The following PEX5L variants were observed in gnomAD, a reference collection of about 807,000 sequenced individuals.
PEX5L encodes PEX5-related protein.
A neutral mutation model predicts 84.0 loss-of-function variants in PEX5L; 30 were observed. The observed-to-expected ratio is 0.36, with a 90% confidence interval of 0.27 to 0.48. PEX5L has a LOEUF of 0.48. Among genes scored for constraint, PEX5L ranks in the 20% least tolerant of loss-of-function variants. PEX5L has a pLI of 0.99. For synonymous variants in PEX5L, 270 were observed against 283.1 expected, an observed-to-expected ratio of 0.95 and a Z score of 0.46; for missense variants, 533 against 754.6, an observed-to-expected ratio of 0.71 and a Z score of 3.44.
chr3:179,999,340 C>T (rs1788178948), intron 1 of PEX5L, among the ~76,000 whole-genome samples: 1 of 152,198 alleles, frequency 6.6e-6, no homozygotes, highest in African/African-American at 2.4e-5. Context: ...GGACACCACT[C>T]AGCCTCTTCC....
intron 1 of PEX5L, among the ~76,000 whole-genome samples, chr3:179,972,042 C>A (rs1784893373): frequency 6.6e-6 from 1 of 152,140 alleles, no homozygotes; most frequent in Non-Finnish European, 1.5e-5. Flanking sequence ...GCTTTATACT[C>A]AAGACTTCCA....
At chr3:179,867,011 G>A (rs1304862748) in intron 7 of PEX5L, among the ~76,000 whole-genome samples, 2 of 122,378 alleles carry the variant, frequency 1.6e-5, no homozygotes, top group Admixed American at 1.0e-4. Flanking sequence ...GGGTGACAGA[G>A]CAAGACTCTG....
chr3:179,874,738 GTTTTTTTTTTT>G (rs3836472), intron 6 of PEX5L, among the ~76,000 whole-genome samples: 3 of 45,980 alleles, frequency 6.5e-5, no homozygotes, highest in South Asian at 1.1e-3. Flanking sequence ...TTTTTTTTTT[GTTTTTTTTTTT>G]TTTTTTTTTT....
chr3:179,993,534 C>G (rs1310515103), intron 1 of PEX5L, among the ~76,000 whole-genome samples: 1 of 152,124 alleles, frequency 6.6e-6, no homozygotes, highest in East Asian at 1.9e-4. Flanking sequence ...GGGTCTCACT[C>G]TGTCACCCAG....
At chr3:179,955,783 C>T (rs938542233) in intron 2 of PEX5L, among the ~76,000 whole-genome samples, 12 of 151,812 alleles carry the variant, frequency 7.9e-5, no homozygotes, top group African/African-American at 2.4e-4. Flanking sequence ...TTTCTTATTA[C>T]GATTAGAAAG....
intron 5 of PEX5L, among the ~76,000 whole-genome samples, chr3:179,879,190 C>T (rs1244074996): frequency 6.6e-6 from 1 of 152,166 alleles, no homozygotes; most frequent in Non-Finnish European, 1.5e-5. Flanking sequence ...TTCTAAGATA[C>T]CTGTCACTGT....
chr3:179,971,694 T>C, intron 1 of PEX5L, 29 bp from the exon 2 acceptor site: 1 of 1,566,554 alleles, frequency 6.4e-7, no homozygotes. Flanking sequence ...TAAATGATCA[T>C]TTAGTTTCTA....
intron 2 of PEX5L, among the ~76,000 whole-genome samples, chr3:179,940,582 G>A (rs1775812537): frequency 6.6e-6 from 1 of 152,134 alleles, no homozygotes; most frequent in African/African-American, 2.4e-5. Context: ...TGCATGAAGA[G>A]AGAACCATGT....
chr3:179,944,009 C>CA (rs951289941), intron 2 of PEX5L, among the ~76,000 whole-genome samples: 182 of 150,898 alleles, frequency 1.2e-3, no homozygotes, highest in African/African-American at 4.3e-3. Flanking sequence ...CTCCCCCCCC[C>CA]AAAAAACTGA....
intron 8 of PEX5L, among the ~76,000 whole-genome samples, chr3:179,856,646 A>G (rs1197594156): frequency 6.6e-6 from 1 of 152,176 alleles, no homozygotes; most frequent in Non-Finnish European, 1.5e-5. Context: ...GGCATGATTT[A>G]CCATCAGCTT....
At chr3:179,943,964 G>C (rs1461132828) in intron 2 of PEX5L, among the ~76,000 whole-genome samples, 1 of 151,808 alleles carries the variant, frequency 6.6e-6, no homozygotes, top group Non-Finnish European at 1.5e-5. Context: ...ACTCTCAATG[G>C]GGCTCTCTCA....
At chr3:179,811,897 T>C (rs777015554) in intron 10 of PEX5L, 26 bp from the exon 11 acceptor site, 9 of 1,576,584 alleles carry the variant, frequency 5.7e-6, no homozygotes, top group East Asian at 2.2e-5. Context: ...GATGTTAACA[T>C]TGCAAGATGA....
chr3:179,960,281 GAAGAGC>G (rs1560931111), intron 2 of PEX5L, among the ~76,000 whole-genome samples: 1 of 152,238 alleles, frequency 6.6e-6, no homozygotes, highest in African/African-American at 2.4e-5. Context: ...TAGGCAGAAG[GAAGAGC>G]AAGAGCAAAG....
chr3:179,975,370 T>C (rs1309918734), intron 1 of PEX5L, among the ~76,000 whole-genome samples: 2 of 152,108 alleles, frequency 1.3e-5, no homozygotes, highest in African/African-American at 4.8e-5. Context: ...AGGGTTTTAA[T>C]TGAAAAATAC....
At chr3:179,935,365 T>G (rs927752365) in intron 2 of PEX5L, among the ~76,000 whole-genome samples, 2 of 152,230 alleles carry the variant, frequency 1.3e-5, no homozygotes, top group African/African-American at 4.8e-5. Flanking sequence ...GGATCATTTT[T>G]GCTTTCTTTT....
At chr3:179,856,511 TG>T (rs1744003570) in intron 8 of PEX5L, among the ~76,000 whole-genome samples, 1 of 152,346 alleles carries the variant, frequency 6.6e-6, no homozygotes, top group Non-Finnish European at 1.5e-5. Flanking sequence ...ATGAAGTGGC[TG>T]GGTCGATGAG....
intron 7 of PEX5L, 72 bp downstream of exon 7, chr3:179,874,255 T>A: frequency 6.7e-6 from 6 of 892,140 alleles, no homozygotes; most frequent in Non-Finnish European, 1.1e-5. Context: ...TTGTACAAAA[T>A]GAAAATAAAG....
chr3:179,835,109 T>C (rs141604587), intron 8 of PEX5L, among the ~76,000 whole-genome samples: 137 of 152,298 alleles, frequency 9.0e-4, no homozygotes, highest in African/African-American at 3.2e-3. Context: ...GCAGCTATGT[T>C]CTTAGACTAT....
intron 8 of PEX5L, among the ~76,000 whole-genome samples, chr3:179,843,083 A>G (rs947915948): frequency 6.6e-6 from 1 of 152,154 alleles, no homozygotes; most frequent in Non-Finnish European, 1.5e-5. Flanking sequence ...ACTGCAAGAC[A>G]TCGAAATAGG....
Sources: gnomAD v4.1 joint callset for allele counts (sites outside exome capture counted in the v4.1 genomes callset) on GRCh38, gnomAD v4.1.1 for gene constraint, MANE v1.5 for transcripts, NCBI Gene and HGNC (gene_info 2026-07-23, HGNC 2026-07-21) for gene names.